The following FAM20A variants were observed in gnomAD, a reference collection of about 807,000 sequenced individuals.
FAM20A encodes pseudokinase FAM20A.
In FAM20A, 42 loss-of-function variants were observed where a neutral mutation model predicts 52.0. The ratio of observed to expected loss-of-function variants is 0.81; its 90% CI spans 0.63 to 1.04. The LOEUF (loss-of-function observed/expected upper bound fraction) is 1.04. Ranked by LOEUF, FAM20A falls within the 50% of genes least tolerant of loss-of-function variation. The pLI is 0.00. For synonymous variants in FAM20A, 304 were observed against 298.9 expected (o/e 1.02, Z -0.18); for missense variants, 742 against 712.7 (o/e 1.04, Z -0.47).
At chr17:68,546,846 AAAAGGT>A (rs1258130782) in intron 4 of FAM20A, among the ~76,000 whole-genome samples, 1 of 151,782 alleles carries the variant, frequency 6.6e-6, no homozygotes, top group Non-Finnish European at 1.5e-5. Context: ...AAAAAAAAAA[AAAAGGT>A]AAGACTTGAA....
intron 1 of FAM20A, among the ~76,000 whole-genome samples, chr17:68,561,358 G>A (rs2087206920): frequency 6.6e-6 from 1 of 152,144 alleles, no homozygotes; most frequent in Non-Finnish European, 1.5e-5. Flanking sequence ...CCGCCCTCCA[G>A]GATGACTAGC....
intron 4 of FAM20A, among the ~76,000 whole-genome samples, chr17:68,546,613 G>A (rs748352860): frequency 1.3e-5 from 2 of 151,966 alleles, no homozygotes; most frequent in African/African-American, 4.8e-5. Flanking sequence ...GGCGGATCAC[G>A]AGGTCAGGAG....
intron 1 of FAM20A, among the ~76,000 whole-genome samples, chr17:68,580,104 A>C (rs1436269039): frequency 6.6e-6 from 1 of 152,266 alleles, no homozygotes; most frequent in Non-Finnish European, 1.5e-5. Context: ...ACTAAGGTCC[A>C]CAAAGTGGAA....
In FAM20A at chr17:68,539,925, C is replaced by G. The variant is rs1206358050; in HGVS notation, c.1261G>C (p.Gly421Arg). 1 of 1,614,078 alleles carries G rather than the reference C, an allele frequency of 6.2e-7. No individual in the cohort carries two copies. The highest frequency in any genetic ancestry group is 8.5e-7 in the Non-Finnish European group (1 of 1,180,048). ...RHHYEMFTKF[G>R]DDGFLIHLDN... ...AGGTGAATAAGGAACCCATCATCCC[C>G]GAACTTGGTGAACATCTCATAATGG... is the stretch of plus-strand genomic sequence containing the variant. The change falls in exon 9 of 11, where the codon GGG (glycine) becomes CGG (arginine). Residue 421 changes from glycine to arginine, a missense_variant. Transcript: ENST00000592554.
intron 1 of FAM20A, chr17:68,582,285 G>C (rs2088029087): frequency 6.6e-6 from 1 of 152,286 alleles, no homozygotes; most frequent in African/African-American, 2.4e-5. Flanking sequence ...AAAATAAGTA[G>C]ATTGATTGCG....
chr17:68,597,557 G>T (rs996794711), intron 1 of FAM20A, among the ~76,000 whole-genome samples: 1 of 152,104 alleles, frequency 6.6e-6, no homozygotes, highest in East Asian at 1.9e-4. Context: ...ACTAATTTTT[G>T]TATTTTTAAT....
At chr17:68,555,855 G>A (rs932123513) in intron 1 of FAM20A, 112 bp from the exon 2 acceptor site, 2 of 1,256,188 alleles carry the variant, frequency 1.6e-6, no homozygotes, top group African/African-American at 1.5e-5. Context: ...AGTGTATTAA[G>A]CATCTAATGA....
intron 8 of FAM20A, 106 bp downstream of exon 8, chr17:68,540,743 A>T: frequency 7.3e-7 from 1 of 1,370,052 alleles, no homozygotes; most frequent in Non-Finnish European, 1.0e-6. Context: ...GTGCAGAGTT[A>T]CTCAGTCCTC....
Position 68,537,730 on chromosome 17 carries a change from T to C in FAM20A, c.1373A>G (p.Lys458Arg). ...PLSQCCMIKK[K>R]TLLHLQLLAQ... ...CAGCAGCTGCAGGTGCAAAAGTGTT[T>C]TCTTTTTTATCCTGAAAAGACAAAG... The change falls in exon 11 of 11, where the codon AAA becomes AGA. Residue 458 changes from lysine (K) to arginine (R), a missense_variant. Transcript: ENST00000592554. This position sits in a 1 kb window ranked among gnomAD's most constrained non-coding sequence, Gnocchi z 4.2. 6.2e-7 allele frequency: 1 copy of C among 1,611,514 alleles called. No individual in the cohort carries two copies. Among genetic ancestry groups the C allele is most frequent in the Non-Finnish European group, 8.5e-7 (1 of 1,178,726 alleles).
rs1450873010 is a variant in FAM20A, at chr17:68,535,519, TCTC to T, written c.*1955_*1957del. On this transcript the variant is annotated 3_prime_UTR_variant, in exon 11 of 11. Coordinates refer to ENST00000592554, the MANE Select transcript of FAM20A (RefSeq NM_017565.4). ...GATATTTTCCCATTTCTGTGTGTGATCTCCTGGTTCTTCATCCACAGGGAAGAA... is the reference window on the plus strand; with the variant it reads ...GATATTTTCCCATTTCTGTGTGTGATCTGGTTCTTCATCCACAGGGAAGAA... The T allele has an allele frequency of 4.4e-6, 2 of 453,940 alleles. No homozygotes were observed. The highest frequency in any genetic ancestry group is 4.0e-5 in the African/African-American group (2 of 49,978). 28.1% of individuals were successfully genotyped at this position (453,940 alleles called of 1,614,324 possible).
At chr17:68,571,074 T>G (rs998060488) in intron 1 of FAM20A, among the ~76,000 whole-genome samples, 3 of 152,108 alleles carry the variant, frequency 2.0e-5, no homozygotes, top group Non-Finnish European at 4.4e-5. Flanking sequence ...GAAGCTCTGG[T>G]CATCAGTGCC....
At chr17:68,571,016 G>A (rs1250589998) in intron 1 of FAM20A, among the ~76,000 whole-genome samples, 1 of 152,106 alleles carries the variant, frequency 6.6e-6, no homozygotes, top group African/African-American at 2.4e-5. Flanking sequence ...GATGGGGTCC[G>A]CCCAGTCCCA....
At chr17:68,581,106 A>G (rs1316005940) in intron 1 of FAM20A, among the ~76,000 whole-genome samples, 1 of 152,200 alleles carries the variant, frequency 6.6e-6, no homozygotes, top group Non-Finnish European at 1.5e-5. Flanking sequence ...CTTATTGCCA[A>G]CTTGCCCTCC....
intron 4 of FAM20A, among the ~76,000 whole-genome samples, chr17:68,547,917 T>A (rs1303203157): frequency 6.6e-6 from 1 of 152,232 alleles, no homozygotes; most frequent in Non-Finnish European, 1.5e-5. Context: ...CTTACTAGCC[T>A]CCTGAATAAT....
At position 68,575,445 on chromosome 17, in the gene FAM20A, T is replaced by TATATATA. The variant is rs201951180; in HGVS notation, c.405-19703_405-19702insTATATAT. Among the ~76,000 whole-genome samples the TATATATA allele has an allele frequency of 8.9e-3, 1,003 of 112,698 alleles. 16 individuals are homozygous for TATATATA. The highest frequency in any genetic ancestry group is 0.023 in the Middle Eastern group (5 of 222). 73.9% of individuals were successfully genotyped at this position (112,698 alleles called of 152,430 possible). On this transcript the variant is annotated intron_variant, in intron 1 of 10. Transcript: ENST00000592554. ...TATATATATTATATATTTTATATATTATATATTTTATATATTATATATAAT... is the reference window on the plus strand; with the variant it reads ...TATATATATTATATATTTTATATATTATATATAATATATTTTATATATTATATATAAT...
chr17:68,540,031 G>A (rs2086219064), intron 8 of FAM20A, 65 bp from the exon 9 acceptor site: 9 of 1,412,534 alleles, frequency 6.4e-6, no homozygotes, highest in African/African-American at 1.4e-5. Flanking sequence ...CCTGACCTGA[G>A]TTCTCTCCAG....
intron 4 of FAM20A, chr17:68,551,379 T>G: frequency 2.8e-6 from 1 of 353,104 alleles, no homozygotes; most frequent in South Asian, 1.5e-4. Flanking sequence ...AGTATTGTGG[T>G]ATACAAGTCC....
At position 68,536,484 on chromosome 17, in the gene FAM20A, G is replaced by T. The variant is rs1238173789; in HGVS notation, c.*993C>A. On this transcript the variant is annotated 3_prime_UTR_variant, in exon 11 of 11. Coordinates refer to ENST00000592554, the MANE Select transcript of FAM20A (RefSeq NM_017565.4). ...ATCCCTACTACACTTTCTTCTAAGG[G>T]AGGCTTCAATAAAAAACCTGACTTA... 1 of 454,080 alleles carries T rather than the reference G, an allele frequency of 2.2e-6. No homozygotes were observed. The allele number at this position is 454,080 out of a possible 1,614,324, so 28.1% of individuals were successfully genotyped here. A position where few individuals can be genotyped will look rare whatever the true frequency, so the allele number is the denominator to read the frequency against.
chr17:68,561,131 G>T (rs1267014981), intron 1 of FAM20A, among the ~76,000 whole-genome samples: 1 of 152,158 alleles, frequency 6.6e-6, no homozygotes, highest in Non-Finnish European at 1.5e-5. Flanking sequence ...CAGAAATGTT[G>T]ATTTTTTATA....
Sources: allele counts gnomAD v4.1 joint callset (sites outside exome capture counted in the v4.1 genomes callset), GRCh38; gene constraint gnomAD v4.1.1; non-coding constraint Gnocchi (gnomAD v3.1); transcripts MANE v1.5; gene names NCBI Gene and HGNC (gene_info 2026-07-23, HGNC 2026-07-21).